Variants in ORC3 observed in about 807,000 individuals in gnomAD.
ORC3 encodes the protein homolog of latheo, Drosophila.
In ORC3, 78 loss-of-function variants were observed where a neutral mutation model predicts 100.7. That is an observed-to-expected ratio of 0.77 (90% CI 0.65 to 0.94). ORC3 has a LOEUF of 0.94. ORC3 is among the 40% of genes least tolerant of loss of function. The probability of loss-of-function intolerance (pLI) is 0.00; values close to 1 mark genes in which losing one functional copy is unlikely to be tolerated. For synonymous variants in ORC3, 295 were observed against 289.3 expected, an observed-to-expected ratio of 1.02 and a Z score of -0.20; for missense variants, 789 against 823.9, an observed-to-expected ratio of 0.96 and a Z score of 0.52.
chr6:87,623,717 C>A (rs918814040), intron 11 of ORC3, among the ~76,000 whole-genome samples: 4 of 152,022 alleles, frequency 2.6e-5, no homozygotes, highest in Non-Finnish European at 5.9e-5. Context: ...AACCCCATCT[C>A]TACTAAAAAT....
chr6:87,651,237 C>T (rs1271318099), intron 13 of ORC3: 1 of 456,160 alleles, frequency 2.2e-6, no homozygotes, highest in East Asian at 6.9e-5. Flanking sequence ...GCTGTTGCTG[C>T]CCCTATCCTG....
chr6:87,627,404 T>G (rs558838354), intron 11 of ORC3, among the ~76,000 whole-genome samples: 1 of 149,340 alleles, frequency 6.7e-6, no homozygotes, highest in African/African-American at 2.5e-5. Flanking sequence ...CAAGCCATTC[T>G]CCTGCCTCAG....
At chr6:87,649,375 A>G (rs1769060940) in intron 13 of ORC3, among the ~76,000 whole-genome samples, 2 of 152,186 alleles carry the variant, frequency 1.3e-5, no homozygotes, top group Non-Finnish European at 1.5e-5. Context: ...CAGCCCTACC[A>G]TACACACTCA....
intron 16 of ORC3, among the ~76,000 whole-genome samples, chr6:87,662,709 A>G (rs1305114838): frequency 6.6e-6 from 1 of 152,208 alleles, no homozygotes; most frequent in Non-Finnish European, 1.5e-5. Flanking sequence ...GAACTGAAAT[A>G]TACAGCTTCT....
At chr6:87,590,815 A>AT (rs1776801009) in intron 1 of ORC3, among the ~76,000 whole-genome samples, 1 of 152,174 alleles carries the variant, frequency 6.6e-6, no homozygotes, top group Admixed American at 6.5e-5. Flanking sequence ...TATTAGAGGA[A>AT]TTTAAAAATC....
chr6:87,656,780 C>T, intron 14 of ORC3, 126 bp from the exon 15 acceptor site: 1 of 594,880 alleles, frequency 1.7e-6, no homozygotes, highest in Non-Finnish European at 3.0e-6. Context: ...CAGATGGAAT[C>T]TTGATCCCTT....
At chr6:87,617,168 TTAAAGATA>T (rs1779215696) in intron 9 of ORC3, among the ~76,000 whole-genome samples, 1 of 152,158 alleles carries the variant, frequency 6.6e-6, no homozygotes, top group African/African-American at 2.4e-5. Context: ...TAATAATCCT[TTAAAGATA>T]TAAAAAAGGT....
chr6:87,655,746 C>T (rs1769637124), intron 14 of ORC3, among the ~76,000 whole-genome samples: 1 of 151,858 alleles, frequency 6.6e-6, no homozygotes, highest in Admixed American at 6.6e-5. Context: ...AAGTGATCCT[C>T]ACACCATGGC....
intron 9 of ORC3, among the ~76,000 whole-genome samples, chr6:87,617,435 A>G (rs1165030739): frequency 2.0e-5 from 3 of 152,134 alleles, no homozygotes; most frequent in Non-Finnish European, 4.4e-5. Flanking sequence ...TGTCTAGTTC[A>G]TTAAAACCTA....
intron 18 of ORC3, among the ~76,000 whole-genome samples, chr6:87,665,103 A>T (rs572484885): frequency 1.3e-5 from 2 of 152,346 alleles, no homozygotes; most frequent in African/African-American, 2.4e-5. Context: ...TTCTGTGTTC[A>T]TGCTAGGTCA....
intron 13 of ORC3, among the ~76,000 whole-genome samples, chr6:87,643,338 C>T (rs1438376071): frequency 2.6e-5 from 4 of 151,328 alleles, no homozygotes; most frequent in African/African-American, 9.7e-5. Flanking sequence ...ATTTAACAAG[C>T]ACTCTGGCAC....
intron 11 of ORC3, among the ~76,000 whole-genome samples, chr6:87,623,064 A>G (rs1336024795): frequency 6.6e-6 from 1 of 152,252 alleles, no homozygotes; most frequent in Non-Finnish European, 1.5e-5. Flanking sequence ...ATTTTGAACA[A>G]GAGAATGTTA....
chr6:87,622,752 T>C (rs1363310958), intron 11 of ORC3, among the ~76,000 whole-genome samples: 1 of 152,186 alleles, frequency 6.6e-6, no homozygotes, highest in African/African-American at 2.4e-5. Context: ...AATTATATTA[T>C]ATTTTGGCAG....
intron 13 of ORC3, among the ~76,000 whole-genome samples, chr6:87,648,549 G>C (rs1052023926): frequency 6.6e-6 from 1 of 152,144 alleles, no homozygotes; most frequent in Non-Finnish European, 1.5e-5. Flanking sequence ...ATGTCAAGCT[G>C]AACTGTCTAG....
chr6:87,676,546 G>C, the ORC3 span, among the ~76,000 whole-genome samples: 2 of 148,854 alleles, frequency 1.3e-5, no homozygotes, highest in Non-Finnish European at 3.0e-5. Context: ...CATGAGGTCA[G>C]AAGATCAAAG....
chr6:87,610,879 T>C (rs935895915), intron 7 of ORC3, among the ~76,000 whole-genome samples: 8 of 151,520 alleles, frequency 5.3e-5, no homozygotes, highest in Admixed American at 6.6e-5. Context: ...ATTTCTACTT[T>C]GATAGGATCT....
chr6:87,642,191 A>G (rs1318518560), intron 13 of ORC3, among the ~76,000 whole-genome samples: 1 of 152,212 alleles, frequency 6.6e-6, no homozygotes, highest in Non-Finnish European at 1.5e-5. Context: ...AGCTACTTGG[A>G]GGCTGAGGCA....
At chr6:87,653,361 A>G (rs901501849) in intron 14 of ORC3, 112 bp downstream of exon 14, 12 of 939,624 alleles carry the variant, frequency 1.3e-5, no homozygotes, top group Non-Finnish European at 1.9e-5. Flanking sequence ...AAAGTAGTTC[A>G]TGATCAGTCA....
In ORC3 at chr6:87,648,772, C is replaced by G. The variant is rs111247225; in HGVS notation, c.1383-4344C>G. On this transcript the variant is annotated intron_variant, in intron 13 of 19. Coordinates refer to ENST00000392844, the MANE Select transcript of ORC3 (RefSeq NM_012381.4). ...TGCCCTACCTCATTGTTTCTCATCA[C>G]TATATAATATCATGTTTTTAAAGTG... 4.3e-3 allele frequency among the ~76,000 whole-genome samples: 660 copies of G among 152,286 alleles called. 3 individuals are homozygous for G. The highest frequency in any genetic ancestry group is 0.015 in the African/African-American group (634 of 41,554).
Sources: allele counts gnomAD v4.1 joint callset (sites outside exome capture counted in the v4.1 genomes callset), GRCh38; gene constraint gnomAD v4.1.1; transcripts MANE v1.5; gene names NCBI Gene and HGNC (gene_info 2026-07-23, HGNC 2026-07-21).